FRS2: variants seen among roughly 807,000 people sequenced by gnomAD.
The protein encoded by FRS2 is FGFR signalling adaptor.
A neutral mutation model predicts 43.9 loss-of-function variants in FRS2; 8 were observed. The ratio of observed to expected loss-of-function variants is 0.18; its 90% confidence interval spans 0.11 to 0.33. The LOEUF is 0.33. FRS2 is among the 10% of genes least tolerant of loss of function. The pLI is 1.00. For synonymous variants in FRS2, 219 were observed against 220.3 expected (o/e 0.99, Z 0.05); for missense variants, 534 against 627.6 (o/e 0.85, Z 1.59).
In FRS2 at chr12:69,574,254, G is replaced by T; in HGVS notation, c.826G>T (p.Val276Phe). 1 of 1,614,230 alleles carries T rather than the reference G, an allele frequency of 6.2e-7. No homozygotes were observed. Among genetic ancestry groups the T allele is most frequent in the Non-Finnish European group, 8.5e-7 (1 of 1,180,008 alleles). Residue 276 changes from valine to phenylalanine, a missense_variant, in exon 9 of 9, where the codon GTT (valine) becomes TTT (phenylalanine). Coordinates refer to ENST00000549921, the MANE Select transcript of FRS2 (RefSeq NM_001278356.2). ...EKLEQLGRDQ[V>F]SGSGANNTEW... ...ACTGGAGCAACTTGGAAGAGATCAA[G>T]TTAGTGGAAGTGGAGCAAATAACAC...
Position 69,574,182 on chromosome 12 carries a change from G to A in FRS2, c.754G>A (p.Val252Ile). Residue 252 changes from valine (V) to isoleucine (I), a missense_variant, in exon 9 of 9, where the codon GTT (valine) becomes ATT (isoleucine). Physicochemically the swap from Val to Ile is conservative, Grantham distance 29. Around this residue, in one of 3 missense-constraint regions of FRS2, gnomAD observed 446 missense variants for 494.2 expected, o/e 0.90. Coordinates refer to ENST00000549921, the MANE Select transcript of FRS2 (RefSeq NM_001278356.2). The stretch of plus-strand genomic sequence containing the variant: ...TCTTGAACCTGAAGGAGTCAAATTT[G>A]TTTTAGGGCCAACCCCTGTTCAAAA... ...ILLEPEGVKF[V>I]LGPTPVQKQL... The A allele has an allele frequency of 6.2e-7, 1 of 1,614,194 alleles. No individual in the cohort carries two copies. The highest frequency in any genetic ancestry group is 8.5e-7 in the Non-Finnish European group (1 of 1,180,034).
At chr12:69,477,375 T>C (rs1042182417) in intron 1 of FRS2, among the ~76,000 whole-genome samples, 2 of 148,924 alleles carry the variant, frequency 1.3e-5, no homozygotes, top group South Asian at 2.2e-4. Flanking sequence ...CCGCCTCTCC[T>C]GGGTTCACGC....
intron 3 of FRS2, among the ~76,000 whole-genome samples, chr12:69,543,275 TGTA>T (rs1164435581): frequency 6.6e-6 from 1 of 152,248 alleles, no homozygotes; most frequent in Non-Finnish European, 1.5e-5. Context: ...AGCATTTGGT[TGTA>T]GTTTTATTGA....
intron 1 of FRS2, among the ~76,000 whole-genome samples, chr12:69,508,024 C>CAAAAAAAAAAAAA (rs11365179): frequency 2.1e-5 from 1 of 47,580 alleles, no homozygotes; most frequent in African/African-American, 7.3e-5. Context: ...AACCCCGTCT[C>CAAAAAAAAAAAAA]AAAAAAAAAA....
In FRS2 at chr12:69,497,564, G is replaced by A. The variant is rs1330103681; in HGVS notation, c.-261+27034G>A. ...TCCTCACTTCCCCAAAGGCCCTACCGCTTAATACCGTTGTTTTGGGTACTA... is the reference window on the plus strand; with the variant it reads ...TCCTCACTTCCCCAAAGGCCCTACCACTTAATACCGTTGTTTTGGGTACTA... On this transcript the variant is annotated intron_variant, in intron 1 of 8. Coordinates refer to ENST00000549921, the MANE Select transcript of FRS2 (RefSeq NM_001278356.2). 2.0e-5 allele frequency among the ~76,000 whole-genome samples: 3 copies of A among 152,076 alleles called. No individual in the cohort carries two copies. The South Asian group carries it at 6.2e-4, about 32-fold the overall frequency.
intron 3 of FRS2, among the ~76,000 whole-genome samples, chr12:69,557,492 T>C (rs563696726): frequency 8.5e-5 from 13 of 152,276 alleles, no homozygotes; most frequent in African/African-American, 2.9e-4. Context: ...ATTGCTCATA[T>C]AGAATGTTCA....
chr12:69,490,109 C>T (rs913806052), intron 1 of FRS2, among the ~76,000 whole-genome samples: 1 of 152,022 alleles, frequency 6.6e-6, no homozygotes, highest in African/African-American at 2.4e-5. Context: ...AAATACACTA[C>T]TCTTTATGTT....
At chr12:69,545,755 C>CAAAAAAAAAAAAAAAAA (rs60460901) in intron 3 of FRS2, among the ~76,000 whole-genome samples, 3 of 80,430 alleles carry the variant, frequency 3.7e-5, no homozygotes, top group South Asian at 5.7e-4. Flanking sequence ...GACCCTGTCT[C>CAAAAAAAAAAAAAAAAA]AAAAAAAAAA....
intron 3 of FRS2, among the ~76,000 whole-genome samples, chr12:69,551,905 T>C (rs1878904651): frequency 6.6e-6 from 1 of 152,178 alleles, no homozygotes; most frequent in Non-Finnish European, 1.5e-5. Context: ...AGAAACATTT[T>C]CCAATTTTAT....
chr12:69,473,564 G>T (rs1870500153), intron 1 of FRS2, among the ~76,000 whole-genome samples: 1 of 152,174 alleles, frequency 6.6e-6, no homozygotes, highest in African/African-American at 2.4e-5. Flanking sequence ...AATTTTAAGT[G>T]GGGGCAGGAT....
At chr12:69,482,091 T>A (rs1413150119) in intron 1 of FRS2, among the ~76,000 whole-genome samples, 1 of 151,838 alleles carries the variant, frequency 6.6e-6, no homozygotes, top group Non-Finnish European at 1.5e-5. Context: ...TGTATAAGTA[T>A]ATATAATTGT....
chr12:69,521,804 CG>C (rs2135615502), intron 1 of FRS2, among the ~76,000 whole-genome samples: 1 of 152,086 alleles, frequency 6.6e-6, no homozygotes, highest in African/African-American at 2.4e-5. Flanking sequence ...TTAGTAGAGA[CG>C]GGATTTCACT....
At chr12:69,563,927 G>A (rs374644212) in intron 4 of FRS2, among the ~76,000 whole-genome samples, 135 of 152,046 alleles carry the variant, frequency 8.9e-4, no homozygotes, top group African/African-American at 3.2e-3. Context: ...CCTCTGTCTT[G>A]ATCCATCAAT....
At chr12:69,542,135 T>G (rs1484655965) in intron 3 of FRS2, among the ~76,000 whole-genome samples, 1 of 152,182 alleles carries the variant, frequency 6.6e-6, no homozygotes, top group African/African-American at 2.4e-5. Context: ...GGTTATGTTC[T>G]GAATATTTTT....
intron 3 of FRS2, among the ~76,000 whole-genome samples, chr12:69,560,601 T>C (rs1879798483): frequency 6.6e-6 from 1 of 152,212 alleles, no homozygotes; most frequent in African/African-American, 2.4e-5. Context: ...GGTTTCCTTA[T>C]TTGGAACACA....
intron 3 of FRS2, among the ~76,000 whole-genome samples, chr12:69,544,513 C>G (rs148024704): frequency 3.0e-4 from 45 of 152,164 alleles, no homozygotes; most frequent in African/African-American, 9.6e-4. Context: ...TTGATACCAG[C>G]CTGGCCAACA....
chr12:69,499,375 TTGA>T (rs1457009457), intron 1 of FRS2, among the ~76,000 whole-genome samples: 2 of 152,258 alleles, frequency 1.3e-5, no homozygotes, highest in South Asian at 2.1e-4. Context: ...TATTTTTTTC[TTGA>T]TGATAAAAAT....
chr12:69,523,622 G>A (rs1048229535), intron 1 of FRS2, among the ~76,000 whole-genome samples: 1 of 152,160 alleles, frequency 6.6e-6, no homozygotes, highest in African/African-American at 2.4e-5. Flanking sequence ...TCATCATGAT[G>A]TTAACTTGTT....
intron 1 of FRS2, among the ~76,000 whole-genome samples, chr12:69,507,548 T>C (rs1360410184): frequency 6.6e-6 from 1 of 152,226 alleles, no homozygotes; most frequent in Non-Finnish European, 1.5e-5. Context: ...TCTCTTCATA[T>C]GAAAAGAACT....
Sources: allele counts gnomAD v4.1 joint callset (sites outside exome capture counted in the v4.1 genomes callset), GRCh38; gene constraint gnomAD v4.1.1; regional missense constraint gnomAD v4.1.1; transcripts MANE v1.5; gene names NCBI Gene and HGNC (gene_info 2026-07-23, HGNC 2026-07-21).